Variants in EPM2A observed in about 807,000 individuals in gnomAD.
EPM2A encodes the protein laforin.
In EPM2A, 21 loss-of-function variants were observed where a neutral mutation model predicts 26.5. The ratio of observed to expected loss-of-function variants is 0.79; its 90% CI spans 0.56 to 1.14. The LOEUF (loss-of-function observed/expected upper bound fraction) is 1.14. Among genes scored for constraint, EPM2A ranks in the 50% most tolerant of loss-of-function variants. The pLI, the probability that EPM2A is intolerant of heterozygous loss-of-function variation, is 0.00. For synonymous variants in EPM2A, 217 were observed against 177.6 expected (o/e 1.22, Z -1.76); for missense variants, 458 against 440.8 (o/e 1.04, Z -0.35).
chr6:145,495,241 C>T (rs1228676899), intron 4 of EPM2A, among the ~76,000 whole-genome samples: 3 of 151,780 alleles, frequency 2.0e-5, no homozygotes, highest in Non-Finnish European at 4.4e-5. Flanking sequence ...TTATGTAATG[C>T]CCTTCTTTTT....
chr6:145,558,078 G>A (rs1780753910), intron 2 of EPM2A, among the ~76,000 whole-genome samples: 1 of 152,058 alleles, frequency 6.6e-6, no homozygotes, highest in Non-Finnish European at 1.5e-5. Context: ...AGGTTCATCC[G>A]TGTTGTCACA....
At chr6:145,423,454 C>T (rs1345505907) in intron 4 of EPM2A, among the ~76,000 whole-genome samples, 5 of 152,098 alleles carry the variant, frequency 3.3e-5, no homozygotes, top group African/African-American at 1.2e-4. Flanking sequence ...TGAGATGGTA[C>T]CTAAGATATG....
chr6:145,710,307 G>A (rs1400536298), intron 1 of EPM2A, among the ~76,000 whole-genome samples: 10 of 152,066 alleles, frequency 6.6e-5, no homozygotes, highest in South Asian at 6.2e-4. Context: ...ACAAGTAGGC[G>A]AAGGATATCG....
At chr6:145,387,612 C>A (rs1159472246) in intron 4 of EPM2A, among the ~76,000 whole-genome samples, 1 of 151,980 alleles carries the variant, frequency 6.6e-6, no homozygotes, top group Non-Finnish European at 1.5e-5. Context: ...GGGCTGTCAT[C>A]CAGCCAGGGA....
In EPM2A at chr6:145,674,317, C is replaced by A. The variant is rs1187977582; in HGVS notation, c.476+11805G>T. Among the ~76,000 whole-genome samples the A allele has an allele frequency of 2.0e-5, 3 of 152,130 alleles. No individual in the cohort carries two copies. The East Asian group carries it at 5.8e-4, about 29-fold the overall frequency. On this transcript the variant is annotated intron_variant, in intron 2 of 3. Coordinates refer to ENST00000367519, the MANE Select transcript of EPM2A (RefSeq NM_005670.4). ...TCTGTAGGACCAAAGGTAGATAAAA[C>A]CACAAAGATAGAGAGAAACCAGAGG...
chr6:145,713,364 C>T (rs536847300), intron 1 of EPM2A, among the ~76,000 whole-genome samples: 25 of 152,202 alleles, frequency 1.6e-4, no homozygotes, highest in African/African-American at 6.0e-4. Context: ...GGCAAATAAG[C>T]CCACTGAAAA....
intron 2 of EPM2A, among the ~76,000 whole-genome samples, chr6:145,507,072 T>C (rs1468799067): frequency 6.6e-6 from 1 of 152,190 alleles, no homozygotes; most frequent in East Asian, 1.9e-4. Context: ...CAGCCAAGAC[T>C]GTGGTTTTAA....
intron 4 of EPM2A, chr6:145,491,330 T>TGAGC (rs1779752198): frequency 8.9e-6 from 3 of 337,234 alleles, no homozygotes; most frequent in African/African-American, 2.2e-5. Flanking sequence ...AGCATGCAGG[T>TGAGC]GAGCGGGCGC....
downstream of EPM2A, chr6:145,501,536 G>A (rs150841417): frequency 3.8e-6 from 1 of 262,470 alleles, no homozygotes; most frequent in African/African-American, 2.2e-5. Context: ...GACATAACTG[G>A]TAGACTTGTG....
chr6:145,466,600 C>T (rs1247488733), intron 4 of EPM2A, among the ~76,000 whole-genome samples: 1 of 151,976 alleles, frequency 6.6e-6, no homozygotes, highest in Non-Finnish European at 1.5e-5. Flanking sequence ...CCTCACGGAT[C>T]TAGAACTAGA....
In EPM2A at chr6:145,635,324, A is replaced by T. The variant is rs1319725764; in HGVS notation, c.639T>A (p.Thr213=). 13 of 1,614,130 alleles carry T rather than the reference A, an allele frequency of 8.1e-6. No homozygotes were observed. Among genetic ancestry groups the T allele is most frequent in the African/African-American group, 1.3e-5 (1 of 75,042 alleles). ...TATATAGTTTAATCATAGTGTCTGG[A>T]GTCATGGGCTCTGGGTAGCGGTTAC... is the stretch of plus-strand genomic sequence containing the variant. ...SGCNRYPEPM[T]PDTMIKLYRE... Residue 213 remains threonine, a synonymous_variant, in exon 3 of 4, where the codon ACT becomes ACA. Coordinates refer to ENST00000367519, the MANE Select transcript of EPM2A (RefSeq NM_005670.4).
At chr6:145,403,342 TCTAA>T (rs1440746267) in intron 4 of EPM2A, among the ~76,000 whole-genome samples, 1 of 124,524 alleles carries the variant, frequency 8.0e-6, no homozygotes, top group Non-Finnish European at 1.8e-5. Context: ...ATTCATTCTT[TCTAA>T]CTATTTTTTG....
intron 2 of EPM2A, among the ~76,000 whole-genome samples, chr6:145,610,780 T>C (rs995539711): frequency 6.6e-6 from 1 of 152,208 alleles, no homozygotes; most frequent in Admixed American, 6.5e-5. Flanking sequence ...ATGTAATCTT[T>C]CAATTGAATA....
chr6:145,572,549 T>G (rs991679634), intron 2 of EPM2A, among the ~76,000 whole-genome samples: 5 of 152,196 alleles, frequency 3.3e-5, no homozygotes, highest in Non-Finnish European at 7.3e-5. Context: ...TGATGACCCA[T>G]ATGCAAATGT....
At chr6:145,589,387 T>C (rs1300498928) in intron 2 of EPM2A, among the ~76,000 whole-genome samples, 3 of 151,984 alleles carry the variant, frequency 2.0e-5, no homozygotes, top group Non-Finnish European at 4.4e-5. Context: ...GTGCACAAGG[T>C]ATATTGGGGA....
intron 4 of EPM2A, among the ~76,000 whole-genome samples, chr6:145,389,838 C>T (rs944065165): frequency 4.6e-5 from 7 of 152,104 alleles, no homozygotes; most frequent in African/African-American, 1.2e-4. Context: ...TCAATGATGA[C>T]GGCCAATTTA....
intron 4 of EPM2A, among the ~76,000 whole-genome samples, chr6:145,405,056 C>G (rs964164804): frequency 2.0e-5 from 3 of 152,064 alleles, no homozygotes; most frequent in African/African-American, 7.2e-5. Flanking sequence ...TAATGGGCAC[C>G]ATTTAATGCA....
intron 2 of EPM2A, among the ~76,000 whole-genome samples, chr6:145,530,652 C>T (rs900827943): frequency 1.3e-5 from 2 of 152,096 alleles, no homozygotes; most frequent in African/African-American, 4.8e-5. Context: ...TAACTGAGAT[C>T]ACACCTGTAA....
chr6:145,558,673 T>C (rs1780764925), intron 2 of EPM2A, among the ~76,000 whole-genome samples: 1 of 152,092 alleles, frequency 6.6e-6, no homozygotes, highest in Admixed American at 6.6e-5. Flanking sequence ...ATGTTGGCCA[T>C]TTGTACGTGC....
Sources: allele counts gnomAD v4.1 joint callset (sites outside exome capture counted in the v4.1 genomes callset), GRCh38; gene constraint gnomAD v4.1.1; transcripts MANE v1.5; gene names NCBI Gene and HGNC (gene_info 2026-07-23, HGNC 2026-07-21).